Variants in NFIA observed in about 807,000 individuals in gnomAD.
The protein encoded by NFIA is nuclear factor I A.
NFIA carries 8 observed loss-of-function variants against 62.8 expected under a neutral mutation model. The ratio of observed to expected loss-of-function variants is 0.13; its 90% CI spans 0.07 to 0.23. The LOEUF is 0.23. NFIA is among the 10% of genes least tolerant of loss of function. The pLI is 1.00. For synonymous variants in NFIA, 235 were observed against 238.1 expected, an observed-to-expected ratio of 0.99 and a Z score of 0.12; for missense variants, 410 against 642.1, an observed-to-expected ratio of 0.64 and a Z score of 3.91.
At chr1:61,254,979 T>C (rs1303044366) in intron 2 of NFIA, among the ~76,000 whole-genome samples, 2 of 152,186 alleles carry the variant, frequency 1.3e-5, no homozygotes, top group African/African-American at 4.8e-5. Flanking sequence ...CATGTGACGT[T>C]TGTGACAGCT....
At chr1:61,169,295 C>A (rs1649786428) in intron 2 of NFIA, among the ~76,000 whole-genome samples, 2 of 152,040 alleles carry the variant, frequency 1.3e-5, no homozygotes, top group South Asian at 4.1e-4. Context: ...CTCCTTTTTC[C>A]TTCCCACTAT....
At chr1:61,430,777 C>A (rs745415565) in intron 10 of NFIA, among the ~76,000 whole-genome samples, 1 of 152,116 alleles carries the variant, frequency 6.6e-6, no homozygotes, top group Non-Finnish European at 1.5e-5. Flanking sequence ...CCCTGGCTTT[C>A]GGCTTTGTTC....
At chr1:61,342,931 A>G (rs1300184787) in intron 4 of NFIA, among the ~76,000 whole-genome samples, 4 of 152,252 alleles carry the variant, frequency 2.6e-5, no homozygotes, top group Non-Finnish European at 5.9e-5. Context: ...TAATATAAAT[A>G]CATATTCCAT....
intron 9 of NFIA, among the ~76,000 whole-genome samples, chr1:61,420,225 C>T (rs538377161): frequency 6.6e-6 from 1 of 152,328 alleles, no homozygotes; most frequent in East Asian, 1.9e-4. Flanking sequence ...CACTCCAATA[C>T]TTTCTAGCAT....
intron 3 of NFIA, among the ~76,000 whole-genome samples, chr1:61,301,840 G>T (rs1284260716): frequency 1.3e-5 from 2 of 152,124 alleles, no homozygotes; most frequent in Non-Finnish European, 2.9e-5. Context: ...TTCTTCAAGG[G>T]GAGTGAAATG....
intron 2 of NFIA, among the ~76,000 whole-genome samples, chr1:61,174,800 T>C (rs1650213046): frequency 6.6e-6 from 1 of 152,200 alleles, no homozygotes; most frequent in Admixed American, 6.5e-5. Flanking sequence ...ATCATGTCTT[T>C]GAGACGTTTA....
chr1:61,378,066 C>T (rs1170861427), intron 6 of NFIA, among the ~76,000 whole-genome samples: 1 of 152,096 alleles, frequency 6.6e-6, no homozygotes, highest in African/African-American at 2.4e-5. Context: ...GCAGTGTTTC[C>T]TTTACTATTG....
chr1:61,210,622 ATACCTTGT>A (rs1653189938), intron 2 of NFIA, among the ~76,000 whole-genome samples: 1 of 152,216 alleles, frequency 6.6e-6, no homozygotes, highest in Non-Finnish European at 1.5e-5. Context: ...ATGCTGAGTC[ATACCTTGT>A]TCTGTTAAAT....
intron 5 of NFIA, among the ~76,000 whole-genome samples, chr1:61,356,553 T>C (rs578075534): frequency 6.6e-6 from 1 of 152,230 alleles, no homozygotes; most frequent in Admixed American, 6.5e-5. Context: ...AAGATAAATT[T>C]GTTCAAAGAG....
intron 2 of NFIA, among the ~76,000 whole-genome samples, chr1:61,239,717 T>G (rs1655223655): frequency 6.6e-6 from 1 of 152,282 alleles, no homozygotes; most frequent in Non-Finnish European, 1.5e-5. Context: ...ACACTTAATA[T>G]ATTATTCGAA....
chr1:61,171,134 TCA>T (rs1649940437), intron 2 of NFIA, among the ~76,000 whole-genome samples: 2 of 152,230 alleles, frequency 1.3e-5, no homozygotes, highest in African/African-American at 2.4e-5. Flanking sequence ...ATTTACACTC[TCA>T]GTTTCTTTTA....
At chr1:61,389,701 A>G (rs1664872068) in intron 7 of NFIA, among the ~76,000 whole-genome samples, 1 of 151,124 alleles carries the variant, frequency 6.6e-6, no homozygotes, top group Non-Finnish European at 1.5e-5. Context: ...ATATCCATCT[A>G]GATCTTTTGA....
chr1:61,359,992 G>A (rs6587917), intron 6 of NFIA, among the ~76,000 whole-genome samples: 133,489 of 152,222 alleles, frequency 0.88, 58,558 homozygotes, highest in East Asian at 0.95. Flanking sequence ...GATAACATTC[G>A]AAAGAAGAAT....
chr1:61,417,116 T>G (rs1346336908), intron 9 of NFIA, among the ~76,000 whole-genome samples: 1 of 152,032 alleles, frequency 6.6e-6, no homozygotes, highest in Admixed American at 6.6e-5. Flanking sequence ...TAGTTTTTTA[T>G]TATTTCAGAT....
chr1:61,346,261 C>T lies in NFIA; in HGVS notation c.701-6189C>T, dbSNP rs77571351. Among the ~76,000 whole-genome samples the T allele has an allele frequency of 1.2e-3, 182 of 152,300 alleles. 1 individual carries two copies. The East Asian group carries it at 0.034, about 28-fold the overall frequency. On this transcript the variant is annotated intron_variant, in intron 4 of 10. Coordinates refer to ENST00000403491, the MANE Select transcript of NFIA (RefSeq NM_001134673.4). ...CTGTGCTTGGTCCAGTCCTACCTAA[C>T]ATCTCCACATTTGATTGGCAGCGAC...
chr1:61,216,364 A>T (rs180826936), intron 2 of NFIA, among the ~76,000 whole-genome samples: 135 of 141,768 alleles, frequency 9.5e-4, no homozygotes, highest in Admixed American at 2.5e-3. Flanking sequence ...CCCCTAAATT[A>T]AAAAAAAAAC....
chr1:61,204,477 A>G (rs1175952366), intron 2 of NFIA, among the ~76,000 whole-genome samples: 1 of 151,988 alleles, frequency 6.6e-6, no homozygotes, highest in Admixed American at 6.6e-5. Flanking sequence ...GGACCTTTAT[A>G]TTTTTTTATT....
chr1:61,370,050 T>G (rs531529858), intron 6 of NFIA, among the ~76,000 whole-genome samples: 44 of 152,288 alleles, frequency 2.9e-4, no homozygotes, highest in African/African-American at 1.0e-3. Flanking sequence ...CATGGGGAAT[T>G]GGGGAGAGAG....
At chr1:61,258,988 T>C (rs866524297) in intron 2 of NFIA, among the ~76,000 whole-genome samples, 15 of 152,338 alleles carry the variant, frequency 9.8e-5, no homozygotes, top group South Asian at 2.1e-4. Flanking sequence ...CCCAAAGTGC[T>C]GGGATTACAG....
Sources: allele counts gnomAD v4.1 joint callset (sites outside exome capture counted in the v4.1 genomes callset), GRCh38; gene constraint gnomAD v4.1.1; transcripts MANE v1.5; gene names NCBI Gene and HGNC (gene_info 2026-07-23, HGNC 2026-07-21).